GABRR1: variants seen among roughly 807,000 people sequenced by gnomAD.
GABRR1 encodes the protein gamma-aminobutyric acid receptor subunit rho-1.
Under a neutral mutation model 55.5 loss-of-function variants are expected in GABRR1, and 59 were observed. That is an observed-to-expected ratio of 1.06 (90% CI 0.86 to 1.32). The LOEUF (loss-of-function observed/expected upper bound fraction) is 1.32. Among genes scored for constraint, GABRR1 ranks in the 40% most tolerant of loss-of-function variants. The pLI, the probability that GABRR1 is intolerant of heterozygous loss-of-function variation, is 0.00. For synonymous variants in GABRR1, 213 were observed against 226.0 expected (o/e 0.94, Z 0.51); for missense variants, 602 against 619.1 (o/e 0.97, Z 0.29).
At chr6:89,206,514 C>T (rs941388281) in intron 1 of GABRR1, among the ~76,000 whole-genome samples, 1 of 152,180 alleles carries the variant, frequency 6.6e-6, no homozygotes, top group Non-Finnish European at 1.5e-5. Flanking sequence ...GAGCTTCTCT[C>T]CTTTACATGC....
chr6:89,201,057 C>G, intron 3 of GABRR1, 102 bp downstream of exon 3: 2 of 799,544 alleles, frequency 2.5e-6, no homozygotes, highest in East Asian at 2.5e-5. Context: ...TGAGGCAGAC[C>G]GGGTCAGCGG....
intron 1 of GABRR1, among the ~76,000 whole-genome samples, chr6:89,208,801 T>A (rs953531965): frequency 6.6e-6 from 1 of 152,232 alleles, no homozygotes; most frequent in Non-Finnish European, 1.5e-5. Context: ...GTTCTCTTCC[T>A]CTGGAGACCC....
chr6:89,194,210 G>A (rs952371636), intron 5 of GABRR1, among the ~76,000 whole-genome samples: 1 of 152,124 alleles, frequency 6.6e-6, no homozygotes, highest in African/African-American at 2.4e-5. Flanking sequence ...TAGCACTGTA[G>A]GAAGAATATT....
At chr6:89,216,787 C>T (rs1441261006) in intron 1 of GABRR1, among the ~76,000 whole-genome samples, 3 of 152,218 alleles carry the variant, frequency 2.0e-5, no homozygotes, top group Non-Finnish European at 2.9e-5. Context: ...ATTCACAAAT[C>T]TAACAGAAAT....
upstream of GABRR1, among the ~76,000 whole-genome samples, chr6:89,218,182 T>C (rs985444963): frequency 6.6e-6 from 1 of 152,172 alleles, no homozygotes; most frequent in African/African-American, 2.4e-5. Flanking sequence ...CTCCAAACTA[T>C]TGACTCTTCA....
chr6:89,180,901 T>C (rs1270263531), intron 8 of GABRR1, among the ~76,000 whole-genome samples: 4 of 152,212 alleles, frequency 2.6e-5, no homozygotes, highest in African/African-American at 9.6e-5. Context: ...TTTAATATCA[T>C]GTCCTGGCTC....
At chr6:89,212,764 G>C (rs896558881) in intron 1 of GABRR1, among the ~76,000 whole-genome samples, 11 of 152,044 alleles carry the variant, frequency 7.2e-5, no homozygotes, top group Admixed American at 1.3e-4. Flanking sequence ...GACATCCCAG[G>C]CTCAAGCCAT....
Position 89,203,451 on chromosome 6 carries a change from C to T in GABRR1, c.157G>A (p.Ala53Thr). ...TGGCCATACCTGACTTGCTTGTGGG[C>T]ATCTTCATGTACTTCTCGTCTTTGT... ...QRQRREVHED[A>T]HKQVSPILRR... Residue 53 changes from alanine (A) to threonine (T), a missense_variant, in exon 2 of 10, where the codon GCC becomes ACC. By Grantham distance (58) the Ala-to-Thr change is moderately conservative. This residue lies in a region of GABRR1 where 435 missense variants were observed against 424.2 expected (regional missense o/e 1.03). Coordinates refer to ENST00000454853, the MANE Select transcript of GABRR1 (RefSeq NM_002042.5). The T allele has an allele frequency of 6.2e-7, 1 of 1,613,412 alleles. No homozygotes were observed. Among genetic ancestry groups the T allele is most frequent in the East Asian group, 2.2e-5 (1 of 44,880 alleles).
intron 7 of GABRR1, among the ~76,000 whole-genome samples, chr6:89,183,402 T>C (rs943122182): frequency 6.6e-6 from 1 of 152,182 alleles, no homozygotes; most frequent in Non-Finnish European, 1.5e-5. Flanking sequence ...TAATATGTGC[T>C]GGGTTGTAGT....
intron 5 of GABRR1, among the ~76,000 whole-genome samples, chr6:89,195,579 GA>G (rs1244482042): frequency 6.6e-6 from 1 of 152,104 alleles, no homozygotes; most frequent in African/African-American, 2.4e-5. Flanking sequence ...TGTCATCCAA[GA>G]ATATTATATC....
chr6:89,177,909 A>T lies in GABRR1; in HGVS notation c.*861T>A, dbSNP rs1771592615. ...TTTCCTTGAAGTGTTTATGCAGAAGAAATCATTCTCTACCCAAGTTCCTCA... is the reference window on the plus strand; with the variant it reads ...TTTCCTTGAAGTGTTTATGCAGAAGTAATCATTCTCTACCCAAGTTCCTCA... On this transcript the variant is annotated 3_prime_UTR_variant, in exon 10 of 10. Transcript: ENST00000454853. 1 of 152,216 alleles carries T rather than the reference A, an allele frequency of 6.6e-6. No homozygotes were observed. The allele number at this position is 152,216 out of a possible 1,614,324, so 9.4% of individuals were successfully genotyped here.
At chr6:89,196,822 G>GGAAAGAAAGAAGAAAGAAA (rs1554190820) in intron 5 of GABRR1, among the ~76,000 whole-genome samples, 9 of 91,062 alleles carry the variant, frequency 9.9e-5, no homozygotes, top group African/African-American at 3.4e-4. Flanking sequence ...AAGAAAAGAA[G>GGAAAGAAAGAAGAAAGAAA]GAAAGAAAGA....
At chr6:89,213,123 A>C (rs904713372) in intron 1 of GABRR1, among the ~76,000 whole-genome samples, 1 of 152,190 alleles carries the variant, frequency 6.6e-6, no homozygotes, top group Non-Finnish European at 1.5e-5. Flanking sequence ...TGGAGACTAG[A>C]GTGAGGCAGG....
chr6:89,218,534 T>C (rs2127810116), upstream of GABRR1, among the ~76,000 whole-genome samples: 1 of 152,378 alleles, frequency 6.6e-6, no homozygotes, highest in Admixed American at 6.5e-5. Context: ...ACGATTCTTC[T>C]TATTTGAATT....
At chr6:89,189,125 C>T (rs1460478800) in intron 6 of GABRR1, among the ~76,000 whole-genome samples, 3 of 152,064 alleles carry the variant, frequency 2.0e-5, no homozygotes, top group Non-Finnish European at 2.9e-5. Context: ...TACTTCCCTT[C>T]CCCAAGCAGT....
At chr6:89,225,380 CA>C (rs1445373235) in intron 1 of GABRR1, among the ~76,000 whole-genome samples, 1 of 139,104 alleles carries the variant, frequency 7.2e-6, no homozygotes, top group Non-Finnish European at 1.5e-5. Context: ...CGTCATCTAG[CA>C]TTAGGTATAT....
At chr6:89,230,616 C>T (rs1401299455) in intron 1 of GABRR1, among the ~76,000 whole-genome samples, 3 of 151,650 alleles carry the variant, frequency 2.0e-5, no homozygotes, top group African/African-American at 4.8e-5. Flanking sequence ...GGCAGTCTGC[C>T]GGTTCTCAGA....
chr6:89,196,877 A>AAGAAAGAG (rs765264259), intron 5 of GABRR1, among the ~76,000 whole-genome samples: 2 of 144,686 alleles, frequency 1.4e-5, no homozygotes. Flanking sequence ...GAAAGAAAGA[A>AAGAAAGAG]AGAGAAGAGA....
chr6:89,225,222 G>A (rs1038746872), intron 1 of GABRR1, among the ~76,000 whole-genome samples: 17 of 150,136 alleles, frequency 1.1e-4, no homozygotes, highest in East Asian at 3.9e-4. Flanking sequence ...ACCATTTGTT[G>A]AATAGGGTGT....
Sources: gnomAD v4.1 joint callset for allele counts (sites outside exome capture counted in the v4.1 genomes callset) on GRCh38, gnomAD v4.1.1 for gene constraint, gnomAD v4.1.1 regional missense constraint, MANE v1.5 for transcripts, NCBI Gene and HGNC (gene_info 2026-07-23, HGNC 2026-07-21) for gene names.